GRID1: variants seen among roughly 807,000 people sequenced by gnomAD.
GRID1 encodes the protein glutamate ionotropic receptor delta type subunit 1, also known as glutamate receptor ionotropic, delta-1.
In GRID1, 28 loss-of-function variants were observed where a neutral mutation model predicts 98.0. That is an observed-to-expected ratio of 0.29 (90% CI 0.21 to 0.39). The LOEUF (loss-of-function observed/expected upper bound fraction) is 0.39, where lower values mean the gene tolerates loss of function less well. GRID1 is among the 10% of genes least tolerant of loss of function. GRID1 has a pLI of 1.00. For missense variants in GRID1, 1,111 were observed against 1,340.5 expected, an observed-to-expected ratio of 0.83 and a Z score of 2.67; for synonymous variants, 553 against 538.5, an observed-to-expected ratio of 1.03 and a Z score of -0.37.
At chr10:85,767,974 A>G (rs990683954) in intron 8 of GRID1, among the ~76,000 whole-genome samples, 13 of 152,230 alleles carry the variant, frequency 8.5e-5, no homozygotes. Context: ...AGGGATGCAA[A>G]CCACAAAAGC....
intron 2 of GRID1, among the ~76,000 whole-genome samples, chr10:86,233,798 T>C (rs1846494207): frequency 6.6e-6 from 1 of 151,996 alleles, no homozygotes; most frequent in Non-Finnish European, 1.5e-5. Flanking sequence ...CTGGAGACAA[T>C]TGGGCCCTCC....
chr10:85,679,637 GGAGCCC>G (rs1282425300), intron 12 of GRID1, among the ~76,000 whole-genome samples: 1 of 152,190 alleles, frequency 6.6e-6, no homozygotes, highest in Non-Finnish European at 1.5e-5. Flanking sequence ...ATGGAGGTAG[GGAGCCC>G]TGGTCTGTTA....
intron 5 of GRID1, among the ~76,000 whole-genome samples, chr10:85,902,663 A>T (rs1841405500): frequency 6.6e-6 from 1 of 152,198 alleles, no homozygotes; most frequent in Admixed American, 6.5e-5. Flanking sequence ...GAGTTCTTAA[A>T]TTCGAAGTCA....
intron 12 of GRID1, among the ~76,000 whole-genome samples, chr10:85,704,578 A>C (rs907186461): frequency 9.2e-5 from 14 of 152,176 alleles, no homozygotes; most frequent in African/African-American, 2.9e-4. Context: ...AAAGTTAACA[A>C]GGATATCCAG....
At chr10:86,068,870 G>A (rs569025179) in intron 4 of GRID1, among the ~76,000 whole-genome samples, 7 of 152,146 alleles carry the variant, frequency 4.6e-5, no homozygotes, top group South Asian at 2.1e-4. Flanking sequence ...GGCAGCATGC[G>A]TGATCAGGAG....
At chr10:85,945,403 C>T (rs1337109024) in intron 4 of GRID1, among the ~76,000 whole-genome samples, 1 of 151,326 alleles carries the variant, frequency 6.6e-6, no homozygotes, top group Non-Finnish European at 1.5e-5. Flanking sequence ...AATTCAAAGC[C>T]TGCTTCCAGT....
At chr10:85,977,582 A>G (rs1326503080) in intron 4 of GRID1, among the ~76,000 whole-genome samples, 3 of 152,074 alleles carry the variant, frequency 2.0e-5, no homozygotes, top group Non-Finnish European at 4.4e-5. Flanking sequence ...TGAGCAATCA[A>G]CCCCCTAGGC....
At chr10:86,032,246 G>A (rs556688009) in intron 4 of GRID1, among the ~76,000 whole-genome samples, 210 of 152,298 alleles carry the variant, frequency 1.4e-3, no homozygotes, top group African/African-American at 4.8e-3. Flanking sequence ...TGTCCTGGAG[G>A]TGGGGGGCGC....
chr10:86,273,109 C>A (rs1490208982), intron 2 of GRID1, among the ~76,000 whole-genome samples: 1 of 151,562 alleles, frequency 6.6e-6, no homozygotes, highest in African/African-American at 2.4e-5. Flanking sequence ...TCCCCTTCCT[C>A]TGTCCATGTG....
At position 85,866,002 on chromosome 10, in the gene GRID1, T is replaced by C. The variant is rs549603092; in HGVS notation, c.951+3008A>G. 2.6e-3 allele frequency among the ~76,000 whole-genome samples: 325 copies of C among 126,408 alleles called. 5 individuals are homozygous for C. Among genetic ancestry groups the C allele is most frequent in the African/African-American group, 9.2e-3 (301 of 32,806 alleles). 82.9% of individuals were successfully genotyped at this position (126,408 alleles called of 152,430 possible). On this transcript the variant is annotated intron_variant, in intron 6 of 15. Coordinates refer to ENST00000327946, the MANE Select transcript of GRID1 (RefSeq NM_017551.3). Reference sequence around the variant, plus strand: ...AGAGAGAGAGAGAGAGAGAGAGGCATCTAGGGTCAGTTTAACTTGTACTGA... The same window carrying C: ...AGAGAGAGAGAGAGAGAGAGAGGCACCTAGGGTCAGTTTAACTTGTACTGA...
chr10:86,132,818 C>A (rs1844857860), intron 4 of GRID1, among the ~76,000 whole-genome samples: 1 of 152,228 alleles, frequency 6.6e-6, no homozygotes, highest in African/African-American at 2.4e-5. Flanking sequence ...TAAACCCAGG[C>A]TGGGCTTCTA....
intron 8 of GRID1, among the ~76,000 whole-genome samples, chr10:85,817,064 TG>T (rs1333390834): frequency 1.3e-5 from 2 of 152,228 alleles, no homozygotes; most frequent in African/African-American, 4.8e-5. Context: ...TAGTATTTCA[TG>T]GTATATATGT....
intron 5 of GRID1, among the ~76,000 whole-genome samples, chr10:85,869,842 T>G (rs535813200): frequency 1.4e-4 from 22 of 152,186 alleles, no homozygotes; most frequent in African/African-American, 5.1e-4. Flanking sequence ...GCTGTCTATA[T>G]TGACTACAAA....
intron 5 of GRID1, among the ~76,000 whole-genome samples, chr10:85,880,671 G>C (rs976054587): frequency 6.6e-6 from 1 of 151,872 alleles, no homozygotes; most frequent in Non-Finnish European, 1.5e-5. Flanking sequence ...ATATCATACT[G>C]AATGGGCAAA....
chr10:85,915,695 A>G (rs1341384521), intron 5 of GRID1, among the ~76,000 whole-genome samples: 2 of 151,992 alleles, frequency 1.3e-5, no homozygotes, highest in Non-Finnish European at 2.9e-5. Flanking sequence ...CACTCACATC[A>G]TAAACACAGA....
At chr10:86,053,879 C>A (rs184933235) in intron 4 of GRID1, among the ~76,000 whole-genome samples, 1 of 152,318 alleles carries the variant, frequency 6.6e-6, no homozygotes, top group Non-Finnish European at 1.5e-5. Flanking sequence ...TGCTCACACA[C>A]GTGTGCACAC....
chr10:85,918,420 T>C lies in GRID1; in HGVS notation c.727-2181A>G, dbSNP rs1841650885. On this transcript the variant is annotated intron_variant, in intron 4 of 15. Coordinates refer to ENST00000327946, the MANE Select transcript of GRID1 (RefSeq NM_017551.3). The stretch of plus-strand genomic sequence containing the variant: ...TTGCCCCTTCCCGTCTCCCAAGGTA[T>C]GTAAAAGCACATCGCTGGGCTCTAG... Among the ~76,000 whole-genome samples, 2 of 150,750 alleles carry C rather than the reference T, an allele frequency of 1.3e-5. 1 individual carries two copies.
intron 8 of GRID1, among the ~76,000 whole-genome samples, chr10:85,779,605 T>C (rs988330400): frequency 6.6e-6 from 1 of 152,126 alleles, no homozygotes; most frequent in Non-Finnish European, 1.5e-5. Flanking sequence ...AATCAAAATA[T>C]GTTGAATACC....
chr10:85,783,954 T>C (rs1842403229), intron 8 of GRID1, among the ~76,000 whole-genome samples: 1 of 152,138 alleles, frequency 6.6e-6, no homozygotes, highest in African/African-American at 2.4e-5. Context: ...TTGGGAGATA[T>C]CGCTGGCATC....
Sources: allele counts gnomAD v4.1 joint callset (sites outside exome capture counted in the v4.1 genomes callset), GRCh38; gene constraint gnomAD v4.1.1; transcripts MANE v1.5; gene names NCBI Gene and HGNC (gene_info 2026-07-23, HGNC 2026-07-21).